LDLRAD4: variants seen among roughly 807,000 people sequenced by gnomAD.
The protein encoded by LDLRAD4 is low density lipoprotein receptor class A domain containing 4, also known as low-density lipoprotein receptor class A domain-containing protein 4.
A neutral mutation model predicts 17.0 loss-of-function variants in LDLRAD4; 5 were observed. That is an observed-to-expected ratio of 0.29 (90% CI 0.15 to 0.62). LDLRAD4 has a LOEUF of 0.62. LDLRAD4 is among the 20% of genes least tolerant of loss of function. The pLI is 0.84. For missense variants in LDLRAD4, 340 were observed against 424.7 expected (o/e 0.80, Z 1.75); for synonymous variants, 168 against 171.8 (o/e 0.98, Z 0.17).
At chr18:13,601,471 A>G (rs1304674826) in intron 3 of LDLRAD4, among the ~76,000 whole-genome samples, 1 of 152,080 alleles carries the variant, frequency 6.6e-6, no homozygotes, top group Non-Finnish European at 1.5e-5. Context: ...ACAAAAAATA[A>G]CAGATATTGA....
chr18:13,392,646 G>A (rs2086364965), intron 2 of LDLRAD4, among the ~76,000 whole-genome samples: 2 of 152,192 alleles, frequency 1.3e-5, no homozygotes, highest in Non-Finnish European at 2.9e-5. Context: ...ATCCTAAAGA[G>A]GTTGCTGGCT....
intron 2 of LDLRAD4, among the ~76,000 whole-genome samples, chr18:13,423,199 G>A (rs1209688412): frequency 1.3e-5 from 2 of 152,082 alleles, no homozygotes; most frequent in Non-Finnish European, 2.9e-5. Context: ...AGAAGGCCGG[G>A]CTTGGTGGCT....
At chr18:13,340,530 A>G (rs558034775) in intron 1 of LDLRAD4, among the ~76,000 whole-genome samples, 2 of 152,192 alleles carry the variant, frequency 1.3e-5, no homozygotes, top group East Asian at 3.9e-4. Context: ...TCATTTGTGT[A>G]TCTTCTTTGG....
At chr18:13,364,295 A>G (rs1182805593) in intron 1 of LDLRAD4, among the ~76,000 whole-genome samples, 4 of 152,104 alleles carry the variant, frequency 2.6e-5, no homozygotes, top group Non-Finnish European at 2.9e-5. Context: ...CATCATTGCC[A>G]TTATTGCTTT....
intron 3 of LDLRAD4, among the ~76,000 whole-genome samples, chr18:13,528,979 G>A (rs553940278): frequency 1.3e-4 from 20 of 152,392 alleles, no homozygotes; most frequent in African/African-American, 3.8e-4. Flanking sequence ...ATCCTCGGCC[G>A]TGGTTCTAGC....
chr18:13,277,272 C>G (rs979321222), upstream of LDLRAD4, among the ~76,000 whole-genome samples: 2 of 152,190 alleles, frequency 1.3e-5, no homozygotes, highest in Non-Finnish European at 2.9e-5. Flanking sequence ...GGCTTAGTCC[C>G]CCTTGGACAA....
intron 2 of LDLRAD4, among the ~76,000 whole-genome samples, chr18:13,402,503 A>G (rs970661076): frequency 6.6e-6 from 1 of 152,208 alleles, no homozygotes; most frequent in Non-Finnish European, 1.5e-5. Flanking sequence ...AGACTTACGA[A>G]AAATTAAAGA....
chr18:13,273,818 T>G (rs909309462), upstream of LDLRAD4, among the ~76,000 whole-genome samples: 1 of 152,182 alleles, frequency 6.6e-6, no homozygotes, highest in African/African-American at 2.4e-5. Context: ...TGCAGTCCTG[T>G]CCTGGTGCAA....
intron 3 of LDLRAD4, among the ~76,000 whole-genome samples, chr18:13,579,247 A>G (rs141058941): frequency 6.6e-6 from 1 of 152,360 alleles, no homozygotes; most frequent in African/African-American, 2.4e-5. Context: ...GTGCTGATTT[A>G]TGAATGTGGG....
At chr18:13,625,058 C>A (rs1305899026) in intron 4 of LDLRAD4, among the ~76,000 whole-genome samples, 2 of 152,230 alleles carry the variant, frequency 1.3e-5, no homozygotes, top group Non-Finnish European at 1.5e-5. Flanking sequence ...TCAGCACCCT[C>A]CAGTCAGCAG....
chr18:13,330,431 C>G (rs1017532580), intron 1 of LDLRAD4, among the ~76,000 whole-genome samples: 23 of 152,216 alleles, frequency 1.5e-4, no homozygotes, highest in African/African-American at 5.5e-4. Flanking sequence ...TCCTAATCCT[C>G]GTGTATCTTC....
chr18:13,469,092 C>T (rs1392093751), intron 3 of LDLRAD4, among the ~76,000 whole-genome samples: 1 of 151,930 alleles, frequency 6.6e-6, no homozygotes, highest in Non-Finnish European at 1.5e-5. Context: ...AGACATTTAT[C>T]CAAAGAAGAT....
At chr18:13,397,672 A>G (rs1190030895) in intron 2 of LDLRAD4, among the ~76,000 whole-genome samples, 1 of 152,122 alleles carries the variant, frequency 6.6e-6, no homozygotes, top group Admixed American at 6.5e-5. Context: ...AGCAGGACCC[A>G]TGTCCTTGGC....
At position 13,610,305 on chromosome 18, in the gene LDLRAD4, T is replaced by TTTTTTTTTTTTTTTTTTTTTTTTTTTC. The variant is rs1491536129; in HGVS notation, c.182-10812_182-10811insTTTTTTTTTTTTTTTTTTTTTTTTTTC. 1.6e-4 allele frequency among the ~76,000 whole-genome samples: 4 copies of TTTTTTTTTTTTTTTTTTTTTTTTTTTC among 24,364 alleles called. 1 individual carries two copies. The highest frequency in any genetic ancestry group is 5.4e-4 in the African/African-American group (4 of 7,388). 16.0% of individuals were successfully genotyped at this position (24,364 alleles called of 152,430 possible). On this transcript the variant is annotated intron_variant, in intron 3 of 5. Coordinates refer to ENST00000359446, the Ensembl canonical transcript of LDLRAD4. ...TTTTTTTTTTTTTTTTTTTTTTTTT[T>TTTTTTTTTTTTTTTTTTTTTTTTTTTC]GAGACGGAGTCTCACTCTGTCGCCC...
At chr18:13,648,370 T>G (rs2043096656) in exon 6 of LDLRAD4, 1 of 152,244 alleles carries the variant, frequency 6.6e-6, no homozygotes, top group African/African-American at 2.4e-5. Context: ...ATTTAAAGAC[T>G]CATACATATC....
chr18:13,409,913 A>G (rs1388089961), intron 2 of LDLRAD4, among the ~76,000 whole-genome samples: 6 of 152,226 alleles, frequency 3.9e-5, no homozygotes, highest in Non-Finnish European at 8.8e-5. Flanking sequence ...TAGTAGGTTT[A>G]GAGTGAAGGA....
intron 3 of LDLRAD4, among the ~76,000 whole-genome samples, chr18:13,552,262 C>A (rs370656375): frequency 1.3e-5 from 2 of 152,330 alleles, no homozygotes. Context: ...TGTCCACCAG[C>A]CCTTTCCACG....
chr18:13,329,056 T>G (rs1281840427), intron 1 of LDLRAD4, among the ~76,000 whole-genome samples: 1 of 152,238 alleles, frequency 6.6e-6, no homozygotes, highest in Non-Finnish European at 1.5e-5. Flanking sequence ...ATTGAATGGA[T>G]ACACCAGATT....
At chr18:13,463,878 C>T (rs1353485219) in intron 3 of LDLRAD4, among the ~76,000 whole-genome samples, 1 of 152,196 alleles carries the variant, frequency 6.6e-6, no homozygotes, top group Admixed American at 6.5e-5. Flanking sequence ...GGCATAATTT[C>T]TGCATTAATG....
Sources: gnomAD v4.1 joint callset for allele counts (sites outside exome capture counted in the v4.1 genomes callset) on GRCh38, gnomAD v4.1.1 for gene constraint, MANE v1.5 for transcripts, NCBI Gene and HGNC (gene_info 2026-07-23, HGNC 2026-07-21) for gene names.